ITGB3BP: variants seen among roughly 807,000 people sequenced by gnomAD.
ITGB3BP encodes integrin subunit beta 3 binding protein, also known as centromere protein R.
In ITGB3BP, 27 loss-of-function variants were observed where a neutral mutation model predicts 29.1. The ratio of observed to expected loss-of-function variants is 0.93; its 90% CI spans 0.68 to 1.28. The LOEUF (loss-of-function observed/expected upper bound fraction) is 1.28. Among genes scored for constraint, ITGB3BP ranks in the 50% most tolerant of loss-of-function variants. The pLI, the probability that ITGB3BP is intolerant of heterozygous loss-of-function variation, is 0.00. For missense variants in ITGB3BP, 192 were observed against 200.2 expected, an observed-to-expected ratio of 0.96 and a Z score of 0.25; for synonymous variants, 61 against 61.4, an observed-to-expected ratio of 0.99 and a Z score of 0.03.
chr1:63,496,430 T>A (rs1346420306), intron 2 of ITGB3BP, among the ~76,000 whole-genome samples: 1 of 152,156 alleles, frequency 6.6e-6, no homozygotes, highest in East Asian at 1.9e-4. Flanking sequence ...ACCTTGGTTC[T>A]TACTTTCTCC....
chr1:63,472,801 C>T (rs986311283), intron 4 of ITGB3BP, among the ~76,000 whole-genome samples: 6 of 151,864 alleles, frequency 4.0e-5, no homozygotes, highest in Admixed American at 3.3e-4. Flanking sequence ...GGCTGGAGTG[C>T]AGTGGCGTGA....
At chr1:63,455,290 A>C (rs942924706) in intron 4 of ITGB3BP, among the ~76,000 whole-genome samples, 1 of 152,162 alleles carries the variant, frequency 6.6e-6, no homozygotes, top group Non-Finnish European at 1.5e-5. Context: ...AAATAAAAAA[A>C]GTTTTATGAC....
At chr1:63,466,000 T>C (rs1645093860) in intron 4 of ITGB3BP, among the ~76,000 whole-genome samples, 1 of 152,186 alleles carries the variant, frequency 6.6e-6, no homozygotes, top group Admixed American at 6.5e-5. Flanking sequence ...TTTTTATCTG[T>C]AAGAATGACT....
chr1:63,460,268 CAG>C (rs1644996134), intron 4 of ITGB3BP, among the ~76,000 whole-genome samples: 1 of 152,160 alleles, frequency 6.6e-6, no homozygotes, highest in South Asian at 2.1e-4. Flanking sequence ...TTACTACAAA[CAG>C]AAACTGTATA....
chr1:63,460,780 T>C (rs748365149), intron 4 of ITGB3BP, among the ~76,000 whole-genome samples: 1 of 152,188 alleles, frequency 6.6e-6, no homozygotes, highest in African/African-American at 2.4e-5. Flanking sequence ...CTTGCCAATA[T>C]TTGTTATTTT....
intron 8 of ITGB3BP, among the ~76,000 whole-genome samples, chr1:63,446,178 C>A (rs975795909): frequency 2.6e-5 from 4 of 152,180 alleles, no homozygotes; most frequent in African/African-American, 9.7e-5. Context: ...GGATTACAGG[C>A]GTGAGCCACC....
At chr1:63,514,794 A>G (rs947828471) in intron 1 of ITGB3BP, among the ~76,000 whole-genome samples, 3 of 152,022 alleles carry the variant, frequency 2.0e-5, no homozygotes, top group Non-Finnish European at 2.9e-5. Context: ...AAAAATACAA[A>G]AATTAGCTGG....
At chr1:63,510,881 T>C (rs1646186093) in intron 1 of ITGB3BP, among the ~76,000 whole-genome samples, 1 of 152,118 alleles carries the variant, frequency 6.6e-6, no homozygotes, top group Non-Finnish European at 1.5e-5. Flanking sequence ...GACGAGAATA[T>C]ACTAAATTGA....
chr1:63,471,717 C>G (rs1424308722), intron 4 of ITGB3BP, among the ~76,000 whole-genome samples: 1 of 152,166 alleles, frequency 6.6e-6, no homozygotes, highest in Non-Finnish European at 1.5e-5. Flanking sequence ...ACTAATTCAG[C>G]TAAATGAAGG....
intron 8 of ITGB3BP, among the ~76,000 whole-genome samples, chr1:63,443,846 A>AC (rs1466759367): frequency 6.6e-6 from 1 of 150,976 alleles, no homozygotes; most frequent in Non-Finnish European, 1.5e-5. Flanking sequence ...TAGAAGAAAA[A>AC]CATCTTTGGA....
At chr1:63,445,452 TA>T (rs1409851738) in intron 8 of ITGB3BP, among the ~76,000 whole-genome samples, 7 of 152,242 alleles carry the variant, frequency 4.6e-5, no homozygotes, top group Non-Finnish European at 1.0e-4. Flanking sequence ...TTGCAAATAT[TA>T]AGACTAGCTT....
At position 63,508,815 on chromosome 1, in the gene ITGB3BP, A is replaced by C. The variant is rs1473380953; in HGVS notation, c.6-245T>G. Among the ~76,000 whole-genome samples the C allele has an allele frequency of 2.6e-5, 4 of 152,146 alleles. No homozygotes were observed. The East Asian group carries it at 7.7e-4, about 29-fold the overall frequency. ...ATGAGTTTCTTTAAAAAATATATGCAGTTATATATACAAGGACTACCGTAC... is the reference window on the plus strand; with the variant it reads ...ATGAGTTTCTTTAAAAAATATATGCCGTTATATATACAAGGACTACCGTAC... On this transcript the variant is annotated intron_variant, in intron 1 of 8. Transcript: ENST00000271002.
intron 2 of ITGB3BP, among the ~76,000 whole-genome samples, chr1:63,505,000 T>C (rs1291994033): frequency 6.6e-6 from 1 of 152,234 alleles, no homozygotes; most frequent in East Asian, 1.9e-4. Flanking sequence ...TGCCAGGCTT[T>C]GGTATCAGGA....
chr1:63,522,870 T>C lies in ITGB3BP; in HGVS notation c.5+259A>G, dbSNP rs1646488082. 4.6e-6 allele frequency: 3 copies of C among 649,930 alleles called. No individual in the cohort carries two copies. In the East Asian group the frequency reaches 9.2e-5, roughly 20 times the overall value. The allele number at this position is 649,930 out of a possible 1,614,324, so 40.3% of individuals were successfully genotyped here. A position where few individuals can be genotyped will look rare whatever the true frequency, so the allele number is the denominator to read the frequency against. On this transcript the variant is annotated intron_variant, in intron 1 of 8. Transcript: ENST00000271002. ...TATTTATGTTATTTCAAGTTAGACA[T>C]CACCTAAATACAGCCCACAGTTTAC...
intron 1 of ITGB3BP, among the ~76,000 whole-genome samples, chr1:63,518,022 C>T (rs1160451661): frequency 6.6e-6 from 1 of 152,124 alleles, no homozygotes; most frequent in African/African-American, 2.4e-5. Context: ...TGGGCCTGGC[C>T]CCACTTTTTC....
chr1:63,505,390 A>C (rs1472821914), intron 2 of ITGB3BP, among the ~76,000 whole-genome samples: 4 of 151,216 alleles, frequency 2.6e-5, no homozygotes, highest in African/African-American at 9.7e-5. Context: ...CATCTATTTG[A>C]TTCTTCTCTC....
chr1:63,510,017 T>C (rs1353538499), intron 1 of ITGB3BP: 5 of 510,552 alleles, frequency 9.8e-6, no homozygotes, highest in Admixed American at 3.0e-5. Flanking sequence ...GGTGAAACCC[T>C]GTCTGTACTA....
At chr1:63,526,923 C>G (rs924307043), upstream of ITGB3BP, among the ~76,000 whole-genome samples, 2 of 152,178 alleles carry the variant, frequency 1.3e-5, no homozygotes, top group Non-Finnish European at 2.9e-5. Context: ...CGCCACCATG[C>G]CTGGCTAATT....
chr1:63,493,957 T>C (rs1227469393), intron 2 of ITGB3BP, among the ~76,000 whole-genome samples: 1 of 152,226 alleles, frequency 6.6e-6, no homozygotes, highest in African/African-American at 2.4e-5. Context: ...TAGAAGGAGA[T>C]AATTCTTCAT....
Sources: allele counts gnomAD v4.1 joint callset (sites outside exome capture counted in the v4.1 genomes callset), GRCh38; gene constraint gnomAD v4.1.1; transcripts MANE v1.5; gene names NCBI Gene and HGNC (gene_info 2026-07-23, HGNC 2026-07-21).